Variants in MRPL38 observed in about 807,000 individuals in gnomAD.
MRPL38 encodes large ribosomal subunit protein mL38.
In MRPL38, 51 loss-of-function variants were observed where a neutral mutation model predicts 52.1. The observed-to-expected ratio is 0.98, with a 90% CI of 0.78 to 1.24. The LOEUF is 1.24. Among genes scored for constraint, MRPL38 ranks in the 50% most tolerant of loss-of-function variants. The pLI is 0.00. For missense variants in MRPL38, 527 were observed against 518.6 expected (o/e 1.02, Z -0.16); for synonymous variants, 245 against 212.7 (o/e 1.15, Z -1.32).
intron 6 of MRPL38, 42 bp downstream of exon 6, chr17:75,900,940 C>A: frequency 6.3e-7 from 1 of 1,578,186 alleles, no homozygotes; most frequent in East Asian, 2.3e-5. Context: ...CTCCTCTTCC[C>A]GCCTGGGCAG....
At position 75,900,970 on chromosome 17, in the gene MRPL38, T is replaced by C. The variant is rs780383874; in HGVS notation, c.710+12A>G. 3 of 1,610,962 alleles carry C rather than the reference T, an allele frequency of 1.9e-6. No homozygotes were observed. In the African/African-American group the frequency reaches 4.0e-5, roughly 22 times the overall value. Reference sequence around the variant, plus strand: ...GGGCAGCACCCCCTACCCCCAGTACTCCAGTACTCACAGCAGCCAGTGGAG... The same window carrying C: ...GGGCAGCACCCCCTACCCCCAGTACCCCAGTACTCACAGCAGCCAGTGGAG... On this transcript the variant is annotated intron_variant, in intron 6 of 8. Coordinates refer to ENST00000309352, the MANE Select transcript of MRPL38 (RefSeq NM_032478.4).
chr17:75,901,455 C>A lies in MRPL38; in HGVS notation c.592-182G>T. The A allele has an allele frequency of 1.4e-6, 1 of 693,742 alleles. No homozygotes were observed. The highest frequency in any genetic ancestry group is 2.5e-5 in the Admixed American group (1 of 39,544). 43.0% of individuals were successfully genotyped at this position (693,742 alleles called of 1,614,324 possible). On this transcript the variant is annotated intron_variant, in intron 4 of 8. Coordinates refer to ENST00000309352, the MANE Select transcript of MRPL38 (RefSeq NM_032478.4). The surrounding 1 kb of genome is among the most constrained non-coding windows in gnomAD (Gnocchi z 5.7). ...GAGTTGCCTGTCCAGGCAACAACCA[C>A]AAAAACGAACATGTGCCAAGGCCGG... is the stretch of plus-strand genomic sequence containing the variant.
At chr17:75,904,007 C>A (rs1428990859) in intron 2 of MRPL38, among the ~76,000 whole-genome samples, 1 of 152,214 alleles carries the variant, frequency 6.6e-6, no homozygotes, top group African/African-American at 2.4e-5. Flanking sequence ...GGATTACAGG[C>A]GTGAGCCACC....
chr17:75,899,316 A>G, intron 7 of MRPL38, 22 bp from the exon 8 acceptor site: 4 of 1,610,100 alleles, frequency 2.5e-6, no homozygotes, highest in Non-Finnish European at 3.4e-6. Flanking sequence ...TAGAGAGCGT[A>G]TGAGAGTGTG....
At position 75,901,331 on chromosome 17, in the gene MRPL38, G is replaced by A; in HGVS notation, c.592-58C>T. ...CCAGGGACAGGCCAGCTGTTGCAGG[G>A]AGCCTTGGAGAAAGGGGTGCCCACT... On this transcript the variant is annotated intron_variant, in intron 4 of 8. Coordinates refer to ENST00000309352, the MANE Select transcript of MRPL38 (RefSeq NM_032478.4). This position sits in a 1 kb window ranked among gnomAD's most constrained non-coding sequence, Gnocchi z 5.7. 6.4e-7 allele frequency: 1 copy of A among 1,557,044 alleles called. No homozygotes were observed. The highest frequency in any genetic ancestry group is 1.4e-5 in the African/African-American group (1 of 73,748).
chr17:75,904,772 C>T, intron 1 of MRPL38, 37 bp downstream of exon 1: 2 of 51,044 alleles, frequency 3.9e-5, no homozygotes, highest in Non-Finnish European at 5.1e-5. Flanking sequence ...GGGCGACAGC[C>T]CCCCCCCCCC....
rs562844288 is a variant in MRPL38 at position 75,904,505 on chromosome 17, C to A, written c.247+35G>T. On this transcript the variant is annotated intron_variant, in intron 2 of 8. Coordinates refer to ENST00000309352, the MANE Select transcript of MRPL38 (RefSeq NM_032478.4). ...GCCGGCGGGTCCCGAGTTCCCCGGG[C>A]GGTGGCTGCAGCCCCTGCTCCAGTC... 8.1e-6 allele frequency: 12 copies of A among 1,483,726 alleles called. No homozygotes were observed. In the East Asian group the frequency reaches 2.2e-4, roughly 27 times the overall value. 91.9% of individuals were successfully genotyped at this position (1,483,726 alleles called of 1,614,324 possible).
chr17:75,904,430 C>G (rs2065419036), intron 2 of MRPL38, 110 bp downstream of exon 2: 2 of 1,219,800 alleles, frequency 1.6e-6, no homozygotes, highest in Non-Finnish European at 2.3e-6. Context: ...CCCAGCGTCC[C>G]CAGCATCCAC....
At position 75,904,863 on chromosome 17, in the gene MRPL38, A is replaced by AT; in HGVS notation, c.12_13insA (p.Trp5MetfsTer35). 6.7e-7 allele frequency: 1 copy of AT among 1,496,046 alleles called. No homozygotes were observed. The highest frequency in any genetic ancestry group is 8.9e-7 in the Non-Finnish European group (1 of 1,128,876). The allele number at this position is 1,496,046 out of a possible 1,614,324, so 92.7% of individuals were successfully genotyped here. ...CACTCGCACAGCGCGGCTCGCCACCAGGGCGCCGCCATCTTCCCTCCGGCC... is the reference window on the plus strand; with the variant it reads ...CACTCGCACAGCGCGGCTCGCCACCATGGGCGCCGCCATCTTCCCTCCGGCC... On this transcript the variant is annotated frameshift_variant, in exon 1 of 9. Transcript: ENST00000309352. LOFTEE classifies it high-confidence loss of function.
Position 75,898,966 on chromosome 17 carries a change from C to G in MRPL38, c.1027G>C (p.Glu343Gln). ...TGGTAAGGGGGCGGCCGCACGAACT[C>G]AAACACCGGCTCCCGCATGTCTGCA... is the stretch of plus-strand genomic sequence containing the variant. ...QLLDMREPVF[E>Q]FVRPPPYHPK... Residue 343 changes from glutamate to glutamine, a missense_variant, in exon 9 of 9, where the codon GAG becomes CAG. Glu to Gln is a conservative substitution (Grantham distance 29, BLOSUM62 2). Transcript: ENST00000309352. The G allele has an allele frequency of 1.2e-6, 2 of 1,602,186 alleles. No individual in the cohort carries two copies. The highest frequency in any genetic ancestry group is 1.7e-6 in the Non-Finnish European group (2 of 1,175,572).
intron 2 of MRPL38, 125 bp downstream of exon 2, chr17:75,904,415 G>T: frequency 9.8e-7 from 1 of 1,025,148 alleles, no homozygotes; most frequent in Non-Finnish European, 1.5e-6. Context: ...CTGCAGGCAG[G>T]CCCTCCCAGC....
chr17:75,898,814 C>G lies in MRPL38; in HGVS notation c.*36G>C. 1.2e-6 allele frequency: 2 copies of G among 1,609,722 alleles called. No homozygotes were observed. The highest frequency in any genetic ancestry group is 1.7e-6 in the Non-Finnish European group (2 of 1,178,604). On this transcript the variant is annotated 3_prime_UTR_variant, in exon 9 of 9. Transcript: ENST00000309352. ...CTGTGTCTTTACTCTTGCTGCCGAT[C>G]AATCCCATGCTCTGAAATGCGCACA...
chr17:75,904,173 A>C, intron 2 of MRPL38: 1 of 488,408 alleles, frequency 2.0e-6, no homozygotes, highest in Non-Finnish European at 4.2e-6. Flanking sequence ...GGCGCTTACA[A>C]TCTGGGGAGA....
At position 75,904,729 on chromosome 17, in the gene MRPL38, G is replaced by A; in HGVS notation, c.68-10C>T. The A allele has an allele frequency of 1.3e-6, 2 of 1,523,716 alleles. No individual in the cohort carries two copies. The highest frequency in any genetic ancestry group is 1.8e-6 in the Non-Finnish European group (2 of 1,142,380). The allele number at this position is 1,523,716 out of a possible 1,614,324, so 94.4% of individuals were successfully genotyped here. ...CGGCGGCCCAGGACGGCTGCGGGCA[G>A]AGAGAAGACGTAAGGCCGGCGCCCC... On this transcript the variant is annotated splice_polypyrimidine_tract_variant and intron_variant, in intron 1 of 8. Coordinates refer to ENST00000309352, the MANE Select transcript of MRPL38 (RefSeq NM_032478.4).
intron 6 of MRPL38, chr17:75,899,949 C>T (rs531167578): frequency 3.8e-5 from 10 of 266,320 alleles, no homozygotes; most frequent in Admixed American, 1.6e-4. Context: ...CCCCGGGAGC[C>T]GGTGGGTCCG....
Position 75,902,171 on chromosome 17 carries a change from T to G in MRPL38, c.248-17A>C, listed in dbSNP as rs1246790544. On this transcript the variant is annotated splice_polypyrimidine_tract_variant and intron_variant, in intron 2 of 8. Transcript: ENST00000309352. ...CTTTGGGATCTGGAGTGGGAAGATG[T>G]GTGGGAAAAACAGGGTCATGACTCA... 1.3e-6 allele frequency: 2 copies of G among 1,550,970 alleles called. No individual in the cohort carries two copies. The highest frequency in any genetic ancestry group is 1.7e-6 in the Non-Finnish European group (2 of 1,146,678).
chr17:75,902,370 T>C, intron 2 of MRPL38: 1 of 588,290 alleles, frequency 1.7e-6, no homozygotes, highest in Non-Finnish European at 3.0e-6. Flanking sequence ...CCCACAGTGT[T>C]GGGATTACAG....
At chr17:75,899,486 G>A in intron 7 of MRPL38, 30 bp downstream of exon 7, 1 of 1,555,544 alleles carries the variant, frequency 6.4e-7, no homozygotes, top group Non-Finnish European at 8.7e-7. Context: ...CTGGCCTGAG[G>A]CCGGGTTATG....
chr17:75,904,610 G>A lies in MRPL38; in HGVS notation c.177C>T (p.Arg59=). 6.3e-7 allele frequency: 1 copy of A among 1,593,084 alleles called. No homozygotes were observed. Among genetic ancestry groups the A allele is most frequent in the Non-Finnish European group, 8.5e-7 (1 of 1,176,890 alleles). Residue 59 remains arginine, a synonymous_variant, in exon 2 of 9, where the codon CGC becomes CGT. Coordinates refer to ENST00000309352, the MANE Select transcript of MRPL38 (RefSeq NM_032478.4). ...EKYRSFDRYR[R]RAEQEAQAPH... is the part of the protein sequence containing the mutation. Reference sequence around the variant, plus strand: ...GGGCCTGCGCCTCCTGCTCTGCTCGGCGCCGGTAGCGGTCGAAGCTCCGGT... The same window carrying A: ...GGGCCTGCGCCTCCTGCTCTGCTCGACGCCGGTAGCGGTCGAAGCTCCGGT...
Sources: allele counts gnomAD v4.1 joint callset (sites outside exome capture counted in the v4.1 genomes callset), GRCh38; gene constraint gnomAD v4.1.1; non-coding constraint Gnocchi (gnomAD v3.1); transcripts MANE v1.5; gene names NCBI Gene and HGNC (gene_info 2026-07-23, HGNC 2026-07-21).